The following MYO9A variants were observed in gnomAD, a reference collection of about 807,000 sequenced individuals.
The protein encoded by MYO9A is unconventional myosin-IXa.
MYO9A carries 103 observed loss-of-function variants against 293.3 expected under a neutral mutation model. That is an observed-to-expected ratio of 0.35 (90% CI 0.30 to 0.41). The LOEUF (loss-of-function observed/expected upper bound fraction) is 0.41. Ranked by LOEUF, MYO9A falls within the 10% of genes least tolerant of loss-of-function variation. The pLI, the probability that MYO9A is intolerant of heterozygous loss-of-function variation, is 1.00. For missense variants in MYO9A, 2,685 were observed against 3,033.0 expected (o/e 0.89, Z 2.69); for synonymous variants, 1,001 against 1,035.7 (o/e 0.97, Z 0.64).
At chr15:72,055,492 C>T (rs377088778) in intron 1 of MYO9A, among the ~76,000 whole-genome samples, 1 of 152,074 alleles carries the variant, frequency 6.6e-6, no homozygotes, top group Non-Finnish European at 1.5e-5. Context: ...AATTAAAGAG[C>T]CTTTGCACAG....
chr15:72,117,348 C>T (rs1231273367), intron 1 of MYO9A, among the ~76,000 whole-genome samples: 1 of 152,098 alleles, frequency 6.6e-6, no homozygotes, highest in Non-Finnish European at 1.5e-5. Flanking sequence ...CACGTCAGCC[C>T]AAGGGAGGAT....
At chr15:71,918,845 T>C (rs943347155) in intron 18 of MYO9A, among the ~76,000 whole-genome samples, 4 of 152,230 alleles carry the variant, frequency 2.6e-5, no homozygotes, top group African/African-American at 4.8e-5. Context: ...AAATCTTTGC[T>C]GTCATGTATA....
chr15:72,010,994 T>C (rs956898544), intron 6 of MYO9A, among the ~76,000 whole-genome samples: 10 of 152,028 alleles, frequency 6.6e-5, no homozygotes, highest in East Asian at 5.8e-4. Flanking sequence ...TATATTTATA[T>C]AGATCTATAT....
At chr15:72,116,702 G>A (rs1432481189) in intron 1 of MYO9A, 1 of 152,176 alleles carries the variant, frequency 6.6e-6, no homozygotes, top group African/African-American at 2.4e-5. Context: ...CAATCGACAA[G>A]GAGGTGAAGT....
intron 1 of MYO9A, among the ~76,000 whole-genome samples, chr15:72,108,549 G>C (rs954348966): frequency 1.3e-5 from 2 of 152,040 alleles, no homozygotes; most frequent in Non-Finnish European, 2.9e-5. Context: ...ACTAAAAAGA[G>C]ATAATCAAAT....
At chr15:72,082,264 A>G (rs2079570464) in intron 1 of MYO9A, among the ~76,000 whole-genome samples, 1 of 151,958 alleles carries the variant, frequency 6.6e-6, no homozygotes, top group Non-Finnish European at 1.5e-5. Context: ...CTGTATTCCT[A>G]GGTATTTTAT....
chr15:71,934,688 C>A (rs2058579506), intron 17 of MYO9A, among the ~76,000 whole-genome samples: 1 of 150,578 alleles, frequency 6.6e-6, no homozygotes, highest in Admixed American at 6.6e-5. Context: ...GCAGCCTCAA[C>A]TTCCTTGGCT....
At chr15:71,979,966 T>C (rs2076232973) in intron 11 of MYO9A, among the ~76,000 whole-genome samples, 1 of 152,196 alleles carries the variant, frequency 6.6e-6, no homozygotes, top group Non-Finnish European at 1.5e-5. Context: ...ATCACTGCTG[T>C]AGAGTATTCC....
chr15:71,871,311 G>A (rs1279913848), intron 32 of MYO9A, among the ~76,000 whole-genome samples: 1 of 152,180 alleles, frequency 6.6e-6, no homozygotes, highest in Non-Finnish European at 1.5e-5. Context: ...AGAGGTCAAG[G>A]CCGCAGTGAG....
chr15:71,992,045 G>A (rs1446112554), intron 10 of MYO9A, among the ~76,000 whole-genome samples: 4 of 151,856 alleles, frequency 2.6e-5, no homozygotes, highest in African/African-American at 2.4e-5. Flanking sequence ...GTGAGCCACC[G>A]TGCCCGGCCA....
At chr15:71,999,696 G>A (rs1455528865) in intron 9 of MYO9A, among the ~76,000 whole-genome samples, 155 bp downstream of exon 9, 1 of 152,022 alleles carries the variant, frequency 6.6e-6, no homozygotes, top group Non-Finnish European at 1.5e-5. Flanking sequence ...CTAAATCAAT[G>A]GAAAATTCAC....
chr15:72,059,781 G>A (rs891690545), intron 1 of MYO9A, among the ~76,000 whole-genome samples: 4 of 152,146 alleles, frequency 2.6e-5, no homozygotes, highest in African/African-American at 9.7e-5. Flanking sequence ...CGTCAGTTCA[G>A]TCTTTTCAGA....
intron 1 of MYO9A, among the ~76,000 whole-genome samples, chr15:72,085,344 G>C (rs917462589): frequency 6.6e-6 from 1 of 150,726 alleles, no homozygotes; most frequent in Non-Finnish European, 1.5e-5. Flanking sequence ...AGTGAGCCAA[G>C]ATTGAGCCAC....
At chr15:72,004,104 G>T (rs891582311) in intron 8 of MYO9A, among the ~76,000 whole-genome samples, 1 of 152,028 alleles carries the variant, frequency 6.6e-6, no homozygotes, top group Non-Finnish European at 1.5e-5. Flanking sequence ...CCCAATTCAC[G>T]ATTTTTTAAT....
intron 37 of MYO9A, among the ~76,000 whole-genome samples, chr15:71,850,942 A>G (rs1432675364): frequency 1.3e-5 from 2 of 152,040 alleles, no homozygotes; most frequent in Non-Finnish European, 2.9e-5. Flanking sequence ...CCTCATATGA[A>G]TTAGGTCATT....
chr15:72,100,447 T>A (rs1442543739), intron 1 of MYO9A, among the ~76,000 whole-genome samples: 1 of 151,466 alleles, frequency 6.6e-6, no homozygotes, highest in Non-Finnish European at 1.5e-5. Flanking sequence ...GGAGCCCCTC[T>A]GCCTGGCTGC....
chr15:72,090,929 A>T (rs2079884479), intron 1 of MYO9A, among the ~76,000 whole-genome samples: 1 of 151,096 alleles, frequency 6.6e-6, no homozygotes, highest in South Asian at 2.1e-4. Flanking sequence ...TGGGAGGCTG[A>T]GGTGGGAAAA....
At position 71,904,976 on chromosome 15, in the gene MYO9A, C is replaced by G; in HGVS notation, c.2716G>C (p.Gly906Arg). Residue 906 changes from glycine to arginine, a missense_variant, in exon 20 of 42, where the codon GGT becomes CGT. Around this residue, in one of 10 missense-constraint regions of MYO9A, gnomAD observed 1,434 missense variants for 1,497.7 expected, o/e 0.96. Transcript: ENST00000356056. ...ASLSKLMETL[G>R]QAEPYFVKCI... ...TTTACAAAATATGGTTCTGCTTGAC[C>G]AAGTGTTTCCATTAGCTTGCTTAAT... is the stretch of plus-strand genomic sequence containing the variant. 6.2e-7 allele frequency: 1 copy of G among 1,605,320 alleles called. No individual in the cohort carries two copies. The highest frequency in any genetic ancestry group is 8.5e-7 in the Non-Finnish European group (1 of 1,174,360).
chr15:72,051,808 C>T (rs1465009637), intron 1 of MYO9A, among the ~76,000 whole-genome samples: 1 of 152,090 alleles, frequency 6.6e-6, no homozygotes, highest in Non-Finnish European at 1.5e-5. Flanking sequence ...GTAGGCACCC[C>T]CTGTCACAAA....
Sources: gnomAD v4.1 joint callset for allele counts (sites outside exome capture counted in the v4.1 genomes callset) on GRCh38, gnomAD v4.1.1 for gene constraint, gnomAD v4.1.1 regional missense constraint, MANE v1.5 for transcripts, NCBI Gene and HGNC (gene_info 2026-07-23, HGNC 2026-07-21) for gene names.